CUL4B: variants seen among roughly 807,000 people sequenced by gnomAD.
CUL4B encodes cullin-4B.
CUL4B carries 1 observed loss-of-function variant against 69.2 expected under a neutral mutation model. The ratio of observed to expected loss-of-function variants is 0.01; its 90% CI spans 0.01 to 0.07. The LOEUF (loss-of-function observed/expected upper bound fraction) is 0.07. Ranked by LOEUF, CUL4B falls within the 10% of genes least tolerant of loss-of-function variation. The pLI is 1.00. For missense variants in CUL4B, 328 were observed against 638.8 expected (o/e 0.51, Z 5.24); for synonymous variants, 237 against 223.2 (o/e 1.06, Z -0.55).
intron 18 of CUL4B, among the ~76,000 whole-genome samples, chrX:120,531,640 A>G (rs1325815614): frequency 9.1e-6 from 1 of 109,441 alleles, no homozygotes; most frequent in East Asian, 2.9e-4. Context: ...TTGTATTTTT[A>G]GTAGAGACAG....
At chrX:120,562,295 G>A (rs918235935), upstream of CUL4B, among the ~76,000 whole-genome samples, 12 of 112,139 alleles carry the variant, frequency 1.1e-4, no homozygotes, top group African/African-American at 3.9e-4. Flanking sequence ...ATTGATTATT[G>A]ATTTAAAAAA....
upstream of CUL4B, among the ~76,000 whole-genome samples, chrX:120,563,643 A>G (rs1352842791): frequency 8.9e-6 from 1 of 112,295 alleles, no homozygotes; most frequent in Non-Finnish European, 1.9e-5. Context: ...TGCAGGGTAA[A>G]TGCTTATTGA....
At chrX:120,531,027 C>T (rs1175783828) in intron 18 of CUL4B, among the ~76,000 whole-genome samples, 1 of 111,576 alleles carries the variant, frequency 9.0e-6, no homozygotes, top group African/African-American at 3.3e-5. Context: ...CGCTGTCCTA[C>T]ATTAAAATTT....
At chrX:120,552,071 ATT>A (rs778201156) in intron 2 of CUL4B, among the ~76,000 whole-genome samples, 8 of 112,231 alleles carry the variant, frequency 7.1e-5, no homozygotes, top group Non-Finnish European at 1.3e-4. Flanking sequence ...CATATTATGC[ATT>A]GTTTTATTTA....
intron 1 of CUL4B, chrX:120,574,754 A>C (rs1925819768): frequency 1.7e-6 from 1 of 597,820 alleles, no homozygotes; most frequent in Admixed American, 2.7e-5. Flanking sequence ...TCTTCAAGGA[A>C]ATTATCAAAA....
intron 19 of CUL4B, 55 bp downstream of exon 19, chrX:120,530,047 A>C: frequency 9.0e-7 from 1 of 1,112,739 alleles, no homozygotes; most frequent in Non-Finnish European, 1.2e-6. Flanking sequence ...CTGAAAATCT[A>C]ATGTACTTTC....
chrX:120,548,609 G>A (rs1304644428), intron 2 of CUL4B, among the ~76,000 whole-genome samples: 1 of 110,924 alleles, frequency 9.0e-6, no homozygotes, highest in Non-Finnish European at 1.9e-5. Flanking sequence ...TGAGGCGGGT[G>A]GATCACTTGA....
rs1426421333 is a variant in CUL4B, at chrX:120,544,794, T to C, written c.921-151A>G. Reference sequence around the variant, plus strand: ...AAAAATAAAATCCACACATTTAATTTTGAATAACATTATTAGATTAAAGAA... The same window carrying C: ...AAAAATAAAATCCACACATTTAATTCTGAATAACATTATTAGATTAAAGAA... On this transcript the variant is annotated intron_variant, in intron 5 of 19. Coordinates refer to ENST00000371322, the MANE Select transcript of CUL4B (RefSeq NM_001079872.2). The C allele has an allele frequency of 1.5e-5, 7 of 464,596 alleles. No individual in the cohort carries two copies. In the East Asian group the frequency reaches 1.8e-4, roughly 12 times the overall value. The allele number at this position is 464,596 out of a possible 1,213,427, so 38.3% of individuals were successfully genotyped here. A position where few individuals can be genotyped will look rare whatever the true frequency, so the allele number is the denominator to read the frequency against.
At chrX:120,563,557 C>A (rs779953823), upstream of CUL4B, among the ~76,000 whole-genome samples, 6 of 112,084 alleles carry the variant, frequency 5.4e-5, no homozygotes, top group Admixed American at 1.9e-4. Flanking sequence ...ACTCTTAAGG[C>A]CAGGAAAGAC....
In CUL4B at chrX:120,560,844, T is replaced by A. The variant is rs1322247817; in HGVS notation, c.-206A>T. 2.2e-6 allele frequency: 2 copies of A among 924,995 alleles called. No individual in the cohort carries two copies. Among genetic ancestry groups the A allele is most frequent in the Admixed American group, 4.9e-5 (1 of 20,439 alleles). The allele number at this position is 924,995 out of a possible 1,213,427, so 76.2% of individuals were successfully genotyped here. A position where few individuals can be genotyped will look rare whatever the true frequency, so the allele number is the denominator to read the frequency against. ...AAGGCGGATAGGCTGACACCAGGAG[T>A]GAGCAGAACGAGGGGGGAGAGCGAA... On this transcript the variant is annotated 5_prime_UTR_variant, in exon 1 of 20. Coordinates refer to ENST00000371322, the MANE Select transcript of CUL4B (RefSeq NM_001079872.2).
At chrX:120,536,804 C>T in intron 15 of CUL4B, 123 bp downstream of exon 15, 1 of 515,508 alleles carries the variant, frequency 1.9e-6, no homozygotes, top group Non-Finnish European at 3.4e-6. Context: ...CAAGACCAGC[C>T]TGAGCAATAC....
intron 13 of CUL4B, 154 bp from the exon 14 acceptor site, chrX:120,538,363 C>A: frequency 4.7e-6 from 2 of 428,883 alleles, no homozygotes; most frequent in South Asian, 4.1e-5. Context: ...AGTGTATGCC[C>A]CATTAATTCA....
upstream of CUL4B, among the ~76,000 whole-genome samples, chrX:120,564,498 C>T (rs143946589): frequency 4.5e-3 from 495 of 111,218 alleles, 1 homozygote; most frequent in African/African-American, 0.015. Flanking sequence ...CCCAACTACT[C>T]GGGAGGATAA....
chrX:120,544,419 T>C, intron 6 of CUL4B, 62 bp downstream of exon 6: 1 of 1,125,906 alleles, frequency 8.9e-7, no homozygotes. Context: ...CTGTCTGATG[T>C]GGGGGGAAAA....
At chrX:120,543,462 C>G (rs970465743) in intron 8 of CUL4B, among the ~76,000 whole-genome samples, 1 of 105,408 alleles carries the variant, frequency 9.5e-6, no homozygotes, top group African/African-American at 3.5e-5. Flanking sequence ...AAGGTCACAT[C>G]AGCCTCTAGT....
chrX:120,561,084 GA>G, upstream of CUL4B: 1 of 1,020,318 alleles, frequency 9.8e-7, no homozygotes. Flanking sequence ...AGAGGCTAAA[GA>G]TGGCGCCATT....
intron 1 of CUL4B, chrX:120,574,714 C>T: frequency 2.6e-6 from 2 of 777,694 alleles, no homozygotes; most frequent in Non-Finnish European, 4.0e-6. Flanking sequence ...ACTCTGGTTT[C>T]CCAGCCAATT....
At chrX:120,561,004 A>AG, upstream of CUL4B, 1 of 930,870 alleles carries the variant, frequency 1.1e-6, no homozygotes, top group Non-Finnish European at 1.3e-6. Flanking sequence ...TCTCCCTGGG[A>AG]GGGGAGAGGC....
At chrX:120,544,338 G>A (rs1034904442) in intron 6 of CUL4B, 135 bp from the exon 7 acceptor site, 12 of 814,067 alleles carry the variant, frequency 1.5e-5, no homozygotes, top group African/African-American at 1.2e-4. Context: ...TGAGAAGCAT[G>A]ATGATTGGGT....
Sources: allele counts gnomAD v4.1 joint callset (sites outside exome capture counted in the v4.1 genomes callset), GRCh38; gene constraint gnomAD v4.1.1; transcripts MANE v1.5; gene names NCBI Gene and HGNC (gene_info 2026-07-23, HGNC 2026-07-21).